UGT1A3: variants seen among roughly 807,000 people sequenced by gnomAD.
UGT1A3 encodes the protein UDP glucuronosyltransferase family 1 member A3.
UGT1A3 carries 31 observed loss-of-function variants against 41.0 expected under a neutral mutation model. The ratio of observed to expected loss-of-function variants is 0.76; its 90% confidence interval spans 0.57 to 1.02. UGT1A3 has a LOEUF of 1.02. Among genes scored for constraint, UGT1A3 ranks in the 50% least tolerant of loss-of-function variants. The pLI is 0.00. For synonymous variants in UGT1A3, 262 were observed against 257.6 expected, an observed-to-expected ratio of 1.02 and a Z score of -0.17; for missense variants, 737 against 671.0, an observed-to-expected ratio of 1.10 and a Z score of -1.09.
In UGT1A3 at chr2:233,772,254, G is replaced by A. The variant is rs1700495336; in HGVS notation, c.1308-8G>A. 1 of 1,614,242 alleles carries A rather than the reference G, an allele frequency of 6.2e-7. No homozygotes were observed. The highest frequency in any genetic ancestry group is 8.5e-7 in the Non-Finnish European group (1 of 1,180,046). On this transcript the variant is annotated splice_polypyrimidine_tract_variant and splice_region_variant and intron_variant, in intron 4 of 4. Transcript: ENST00000482026. The stretch of plus-strand genomic sequence containing the variant: ...TTCCAGGCATAACGAAACTGTCTTT[G>A]TGTTTAGTTACAAGGAGAACATCAT...
At chr2:233,751,292 A>C (rs1369040584) in intron 1 of UGT1A3, among the ~76,000 whole-genome samples, 1 of 151,886 alleles carries the variant, frequency 6.6e-6, no homozygotes, top group East Asian at 1.9e-4. Flanking sequence ...TCCCATTTGG[A>C]ATGGGAATAT....
At chr2:233,760,803 GC>G (rs773292758) in intron 1 of UGT1A3, 1 of 1,613,342 alleles carries the variant, frequency 6.2e-7, no homozygotes, top group South Asian at 1.1e-5. Flanking sequence ...TATTCTTCTT[GC>G]ATGCACTGCC....
At chr2:233,744,611 C>T (rs1407412531) in intron 1 of UGT1A3, among the ~76,000 whole-genome samples, 1 of 151,864 alleles carries the variant, frequency 6.6e-6, no homozygotes, top group Non-Finnish European at 1.5e-5. Context: ...TAGTACTTGG[C>T]TCTATAGAGA....
At chr2:233,771,020 A>T (rs1052274200) in intron 4 of UGT1A3, 14 of 152,140 alleles carry the variant, frequency 9.2e-5, no homozygotes, top group Non-Finnish European at 2.1e-4. Flanking sequence ...GGAGCGAGAG[A>T]GAGTTGGGGG....
At chr2:233,732,018 C>A (rs1393703380) in intron 1 of UGT1A3, among the ~76,000 whole-genome samples, 1 of 152,210 alleles carries the variant, frequency 6.6e-6, no homozygotes, top group East Asian at 1.9e-4. Context: ...TTTTGATTTG[C>A]ATTTCTCTGA....
At chr2:233,765,130 A>G (rs1448520577) in intron 1 of UGT1A3, among the ~76,000 whole-genome samples, 4 of 152,148 alleles carry the variant, frequency 2.6e-5, no homozygotes, top group Non-Finnish European at 4.4e-5. Context: ...AGGTTTTAGC[A>G]CTGAACATCA....
chr2:233,744,046 C>G, intron 1 of UGT1A3: 1 of 729,302 alleles, frequency 1.4e-6, no homozygotes, highest in Non-Finnish European at 1.9e-6. Flanking sequence ...GCAGCCACAT[C>G]TCATTGGTCG....
At chr2:233,750,117 G>T (rs1441169579) in intron 1 of UGT1A3, among the ~76,000 whole-genome samples, 2 of 151,904 alleles carry the variant, frequency 1.3e-5, no homozygotes, top group East Asian at 1.9e-4. Flanking sequence ...AAGACAGGAA[G>T]ATGTGGGAAA....
chr2:233,730,127 C>G (rs2077990319), intron 1 of UGT1A3, 134 bp downstream of exon 1: 1 of 1,540,256 alleles, frequency 6.5e-7, no homozygotes, highest in East Asian at 2.4e-5. Context: ...GTCATAATAG[C>G]CTTCAGTGAG....
chr2:233,755,882 G>A (rs1696054394), intron 1 of UGT1A3: 2 of 152,208 alleles, frequency 1.3e-5, no homozygotes, highest in Non-Finnish European at 2.9e-5. Context: ...ACCTTTTTAT[G>A]TAACTTTTTT....
chr2:233,742,956 T>C, intron 1 of UGT1A3: 1 of 217,074 alleles, frequency 4.6e-6, no homozygotes, highest in Non-Finnish European at 9.3e-6. Context: ...CAAATAATCA[T>C]TGTCTGCCTC....
chr2:233,757,535 A>AATATATATACATATACATATACAT (rs376887521), intron 1 of UGT1A3, among the ~76,000 whole-genome samples: 3 of 88,310 alleles, frequency 3.4e-5, no homozygotes, highest in African/African-American at 1.0e-4. Flanking sequence ...GCCTGTAAGG[A>AATATATATACATATACATATACAT]ATATATATAT....
rs763548038 is a variant in UGT1A3 at position 233,772,319 on chromosome 2, G to A, written c.1365G>A (p.Pro455=). The A allele has an allele frequency of 6.2e-6, 10 of 1,614,046 alleles. No homozygotes were observed. The highest frequency in any genetic ancestry group is 7.6e-6 in the Non-Finnish European group (9 of 1,180,038). The change falls in exon 5 of 5, where the codon CCG becomes CCA. Residue 455 remains proline (P), a synonymous_variant. Coordinates refer to ENST00000482026, the MANE Select transcript of UGT1A3 (RefSeq NM_019093.4). ...TTCACAAGGACCGCCCGGTGGAGCC[G>A]CTGGACCTGGCCGTGTTCTGGGTGG... ...SSLHKDRPVE[P]LDLAVFWVEF...
At chr2:233,764,280 C>T (rs917844974) in intron 1 of UGT1A3, among the ~76,000 whole-genome samples, 5 of 151,996 alleles carry the variant, frequency 3.3e-5, no homozygotes, top group African/African-American at 1.2e-4. Flanking sequence ...TTGGTCATTC[C>T]GGTAACTGTG....
chr2:233,764,888 C>G (rs1553621888), intron 1 of UGT1A3, among the ~76,000 whole-genome samples: 1 of 147,412 alleles, frequency 6.8e-6, no homozygotes, highest in Non-Finnish European at 1.5e-5. Context: ...AAGGCAAAGA[C>G]AAAGCCCTTA....
At chr2:233,736,981 G>C (rs1363558721) in intron 1 of UGT1A3, among the ~76,000 whole-genome samples, 4 of 152,198 alleles carry the variant, frequency 2.6e-5, no homozygotes, top group Non-Finnish European at 5.9e-5. Flanking sequence ...TCCCAGTCAA[G>C]ATACACAGAG....
At chr2:233,759,469 A>G (rs1187872464) in intron 1 of UGT1A3, among the ~76,000 whole-genome samples, 5 of 152,280 alleles carry the variant, frequency 3.3e-5, no homozygotes, top group Admixed American at 2.6e-4. Flanking sequence ...CTCAAGATCT[A>G]TCTTACAGGA....
intron 4 of UGT1A3, chr2:233,771,511 A>G (rs1282263981): frequency 1.3e-5 from 2 of 152,328 alleles, no homozygotes; most frequent in Non-Finnish European, 2.9e-5. Context: ...ACTGAATTAC[A>G]AATATATCAT....
chr2:233,754,768 C>T, intron 1 of UGT1A3: 1 of 1,017,180 alleles, frequency 9.8e-7, no homozygotes, highest in Non-Finnish European at 1.4e-6. Context: ...CCCCCACTTC[C>T]CAGGGAGCCA....
Sources: allele counts gnomAD v4.1 joint callset (sites outside exome capture counted in the v4.1 genomes callset), GRCh38; gene constraint gnomAD v4.1.1; transcripts MANE v1.5; gene names NCBI Gene and HGNC (gene_info 2026-07-23, HGNC 2026-07-21).